Variants in ELMO1 observed in about 807,000 individuals in gnomAD.
ELMO1 encodes the protein engulfment and cell motility 1, also known as engulfment and cell motility protein 1.
Under a neutral mutation model 98.9 loss-of-function variants are expected in ELMO1, and 26 were observed. The ratio of observed to expected loss-of-function variants is 0.26; its 90% CI spans 0.19 to 0.36. The LOEUF (loss-of-function observed/expected upper bound fraction) is 0.36, where lower values mean the gene tolerates loss of function less well. ELMO1 is among the 10% of genes least tolerant of loss of function. ELMO1 has a pLI of 1.00. For missense variants in ELMO1, 627 were observed against 935.2 expected (o/e 0.67, Z 4.30); for synonymous variants, 346 against 346.0 (o/e 1.00, Z 0.00).
In ELMO1 at chr7:37,307,671, T is replaced by A. The variant is rs564494304; in HGVS notation, c.192+7179A>T. On this transcript the variant is annotated intron_variant, in intron 4 of 21. Coordinates refer to ENST00000310758, the MANE Select transcript of ELMO1 (RefSeq NM_014800.11). Reference sequence around the variant, plus strand: ...AGCTGTTTTATTCAACTGCAGTGTATCATTACTACCCTCAGCCAAGCTGTC... The same window carrying A: ...AGCTGTTTTATTCAACTGCAGTGTAACATTACTACCCTCAGCCAAGCTGTC... Among the ~76,000 whole-genome samples, 5 of 152,336 alleles carry A rather than the reference T, an allele frequency of 3.3e-5. No homozygotes were observed. The South Asian group carries it at 1.0e-3, about 32-fold the overall frequency.
intron 16 of ELMO1, among the ~76,000 whole-genome samples, chr7:37,011,169 G>C (rs1359950846): frequency 6.6e-6 from 1 of 152,204 alleles, no homozygotes; most frequent in Non-Finnish European, 1.5e-5. Context: ...TCTTGCTGAA[G>C]AGATTTCACA....
intron 10 of ELMO1, among the ~76,000 whole-genome samples, chr7:37,218,915 T>C (rs1168909130): frequency 6.6e-6 from 1 of 152,262 alleles, no homozygotes; most frequent in African/African-American, 2.4e-5. Context: ...AACAAGTTTT[T>C]TAAATAGTGC....
intron 4 of ELMO1, among the ~76,000 whole-genome samples, chr7:37,301,666 C>A (rs2131024940): frequency 1.3e-5 from 2 of 151,272 alleles, no homozygotes; most frequent in Middle Eastern, 6.9e-3. Context: ...GGCAACAAAG[C>A]AGTCACTTTT....
chr7:36,860,106 C>T (rs1272583092), intron 21 of ELMO1, among the ~76,000 whole-genome samples: 2 of 152,170 alleles, frequency 1.3e-5, no homozygotes, highest in African/African-American at 4.8e-5. Context: ...TGGAAGAATA[C>T]AGTATAAAAT....
chr7:37,371,431 T>C (rs958245501), intron 1 of ELMO1, among the ~76,000 whole-genome samples: 5 of 152,238 alleles, frequency 3.3e-5, no homozygotes, highest in African/African-American at 4.8e-5. Context: ...ATATACTTAA[T>C]AAAGGTTTAA....
intron 4 of ELMO1, among the ~76,000 whole-genome samples, chr7:37,291,366 G>A (rs889979581): frequency 6.6e-6 from 1 of 152,088 alleles, no homozygotes; most frequent in Non-Finnish European, 1.5e-5. Context: ...GGACAAATCT[G>A]ATTGATTAAA....
intron 15 of ELMO1, among the ~76,000 whole-genome samples, chr7:37,067,473 G>T (rs1797045469): frequency 6.6e-6 from 1 of 152,084 alleles, no homozygotes; most frequent in Non-Finnish European, 1.5e-5. Flanking sequence ...ATTGTATTAT[G>T]TACAGATATT....
At position 37,319,261 on chromosome 7, in the gene ELMO1, A is replaced by C. The variant is rs189765779; in HGVS notation, c.79-3301T>G. Among the ~76,000 whole-genome samples the C allele has an allele frequency of 5.3e-5, 8 of 152,210 alleles. No homozygotes were observed. In the East Asian group the frequency reaches 1.5e-3, roughly 29 times the overall value. ...CGGTAGCACACATCCCTCAGATCCCACACCTGATTCTGCCACGACTTCTCT... is the reference window on the plus strand; with the variant it reads ...CGGTAGCACACATCCCTCAGATCCCCCACCTGATTCTGCCACGACTTCTCT... On this transcript the variant is annotated intron_variant, in intron 2 of 21. Transcript: ENST00000310758.
chr7:37,211,155 A>C (rs1792945308), intron 13 of ELMO1: 1 of 526,802 alleles, frequency 1.9e-6, no homozygotes, highest in South Asian at 2.3e-5. Flanking sequence ...CTTAATCAGA[A>C]CTGAATAAAC....
chr7:37,293,824 A>G (rs961877191), intron 4 of ELMO1, among the ~76,000 whole-genome samples: 1 of 149,470 alleles, frequency 6.7e-6, no homozygotes, highest in Non-Finnish European at 1.5e-5. Context: ...ATCATAATCA[A>G]TTTCATTCCT....
chr7:36,884,550 A>G (rs537154930), intron 18 of ELMO1, among the ~76,000 whole-genome samples: 1 of 152,288 alleles, frequency 6.6e-6, no homozygotes, highest in African/African-American at 2.4e-5. Flanking sequence ...GTGAGTAGGA[A>G]CAGGGACTTC....
chr7:37,240,415 T>C (rs1429144496), intron 7 of ELMO1, among the ~76,000 whole-genome samples: 1 of 152,188 alleles, frequency 6.6e-6, no homozygotes. Context: ...GGTGTTGATA[T>C]TTGGATTTCT....
chr7:37,300,995 G>A (rs1483080378), intron 4 of ELMO1, among the ~76,000 whole-genome samples: 2 of 151,748 alleles, frequency 1.3e-5, no homozygotes, highest in Admixed American at 6.6e-5. Flanking sequence ...GTTTAGTCTT[G>A]GGAGAGTGTA....
At chr7:37,397,089 C>A (rs1803329608) in intron 1 of ELMO1, among the ~76,000 whole-genome samples, 1 of 152,208 alleles carries the variant, frequency 6.6e-6, no homozygotes, top group Non-Finnish European at 1.5e-5. Context: ...GGAATATAGA[C>A]AGCCACAGTC....
At chr7:37,126,774 G>A (rs2541072) in intron 14 of ELMO1, among the ~76,000 whole-genome samples, 36,475 of 152,060 alleles carry the variant, frequency 0.24, 5,517 homozygotes, top group African/African-American at 0.43. Flanking sequence ...ATGGCTCCAC[G>A]CAGGCACGTG....
chr7:37,158,049 T>C (rs1788926829), intron 13 of ELMO1, among the ~76,000 whole-genome samples: 1 of 152,156 alleles, frequency 6.6e-6, no homozygotes, highest in South Asian at 2.1e-4. Context: ...AAACAAGAAA[T>C]AGGGAAAGGA....
intron 19 of ELMO1, 77 bp downstream of exon 19, chr7:36,877,933 T>C: frequency 8.9e-7 from 1 of 1,125,960 alleles, no homozygotes; most frequent in Non-Finnish European, 1.3e-6. Context: ...GGCTGATAGT[T>C]CTGTTGCGTG....
At chr7:37,140,240 G>T (rs577037099) in intron 13 of ELMO1, among the ~76,000 whole-genome samples, 1 of 151,540 alleles carries the variant, frequency 6.6e-6, no homozygotes, top group Non-Finnish European at 1.5e-5. Context: ...CAAAAAATTA[G>T]CTGGGCGTGG....
chr7:37,295,691 C>G (rs968157395), intron 4 of ELMO1, among the ~76,000 whole-genome samples: 1 of 152,074 alleles, frequency 6.6e-6, no homozygotes. Context: ...ATAATGGAAA[C>G]TTTTTGTTCT....
Sources: allele counts gnomAD v4.1 joint callset (sites outside exome capture counted in the v4.1 genomes callset), GRCh38; gene constraint gnomAD v4.1.1; transcripts MANE v1.5; gene names NCBI Gene and HGNC (gene_info 2026-07-23, HGNC 2026-07-21).